The following ALX3 variants were observed in gnomAD, a reference collection of about 807,000 sequenced individuals.
ALX3 encodes the protein ALX homeobox 3, also known as homeobox protein aristaless-like 3.
ALX3 carries 17 observed loss-of-function variants against 26.3 expected under a neutral mutation model. That is an observed-to-expected ratio of 0.65 (90% CI 0.44 to 0.97). The LOEUF is 0.97. Among genes scored for constraint, ALX3 ranks in the 50% least tolerant of loss-of-function variants. The pLI is 0.00. For missense variants in ALX3, 461 were observed against 466.5 expected, an observed-to-expected ratio of 0.99 and a Z score of 0.11; for synonymous variants, 208 against 201.4, an observed-to-expected ratio of 1.03 and a Z score of -0.28.
intron 2 of ALX3, 94 bp downstream of exon 2, chr1:110,064,493 C>T (rs777451513): frequency 7.9e-5 from 115 of 1,460,722 alleles, no homozygotes; most frequent in Non-Finnish European, 1.1e-4. Flanking sequence ...CTCTGGGAGG[C>T]ACCAGTGCCC....
In ALX3 at chr1:110,070,439, C is replaced by T. The variant is rs1653891143; in HGVS notation, c.174G>A (p.Glu58=). The T allele has an allele frequency of 1.6e-6, 2 of 1,263,188 alleles. No homozygotes were observed. Among genetic ancestry groups the T allele is most frequent in the East Asian group, 2.9e-5 (1 of 33,946 alleles). The allele number at this position is 1,263,188 out of a possible 1,614,324, so 78.2% of individuals were successfully genotyped here. The change falls in exon 1 of 4, where the codon GAG becomes GAA. Residue 58 remains glutamate (E), a synonymous_variant. Transcript: ENST00000647563. ...LTRFPACGPL[E]PYLPEPAKPP... ...GCTTGGCCGGCTCTGGGAGGTAGGGCTCCAGGGGCCCGCAGGCCGGAAAGC... is the reference window on the plus strand; with the variant it reads ...GCTTGGCCGGCTCTGGGAGGTAGGGTTCCAGGGGCCCGCAGGCCGGAAAGC...
intron 1 of ALX3, among the ~76,000 whole-genome samples, chr1:110,069,055 C>G (rs910881650): frequency 7.9e-5 from 12 of 152,394 alleles, no homozygotes; most frequent in Admixed American, 1.3e-4. Flanking sequence ...GGGTACCTGT[C>G]TCTGGCGGTG....
chr1:110,061,217 C>T lies in ALX3; in HGVS notation c.724-176G>A, dbSNP rs993979421. On this transcript the variant is annotated intron_variant, in intron 3 of 3. Coordinates refer to ENST00000647563, the MANE Select transcript of ALX3 (RefSeq NM_006492.3). ...GCAGTGGCATCTCAGGAGGCCCCTGCCACTGTTCTCAAAACGAAATTTTCT... is the reference window on the plus strand; with the variant it reads ...GCAGTGGCATCTCAGGAGGCCCCTGTCACTGTTCTCAAAACGAAATTTTCT... 9 of 1,011,646 alleles carry T rather than the reference C, an allele frequency of 8.9e-6. No individual in the cohort carries two copies. In the African/African-American group the frequency reaches 1.5e-4, roughly 16 times the overall value. The allele number at this position is 1,011,646 out of a possible 1,614,324, so 62.7% of individuals were successfully genotyped here.
Position 110,061,548 on chromosome 1 carries a change from G to A in ALX3, c.610C>T (p.Arg204Cys), listed in dbSNP as rs1199055481. 22 of 1,614,082 alleles carry A rather than the reference G, an allele frequency of 1.4e-5. No homozygotes were observed. Among genetic ancestry groups the A allele is most frequent in the East Asian group, 6.7e-5 (3 of 44,890 alleles). Reference protein sequence around the residue: ...EARVQVWFQNRRAKWRKRERY... With the variant: ...EARVQVWFQNCRAKWRKRERY... ...TCGCGCTTCCGCCACTTGGCTCTGC[G>A]GTTCTGGAACCAGACCTGGGGGCAG... The change falls in exon 3 of 4, where the codon CGC (arginine) becomes TGC (cysteine). Residue 204 changes from arginine (R) to cysteine (C), a missense_variant. By Grantham distance (180) the Arg-to-Cys change is radical (BLOSUM62 -3). Transcript: ENST00000647563.
intron 3 of ALX3, 86 bp from the exon 4 acceptor site, chr1:110,061,127 GC>G: frequency 6.8e-7 from 1 of 1,476,070 alleles, no homozygotes; most frequent in Non-Finnish European, 9.2e-7. Context: ...TGTCCTTGGG[GC>G]CCCAGAAACT....
At chr1:110,061,376 C>A in intron 3 of ALX3, 59 bp downstream of exon 3, 1 of 1,613,662 alleles carries the variant, frequency 6.2e-7, no homozygotes, top group East Asian at 2.2e-5. Context: ...TCAGGCCAGA[C>A]CTCATATTCT....
chr1:110,068,372 C>T (rs2101799454), intron 1 of ALX3, among the ~76,000 whole-genome samples: 1 of 152,352 alleles, frequency 6.6e-6, no homozygotes, highest in Middle Eastern at 3.4e-3. Flanking sequence ...CCAGGCTCCA[C>T]CGCGCGCCGC....
At chr1:110,063,840 C>CTT (rs1653713148) in intron 2 of ALX3, among the ~76,000 whole-genome samples, 2 of 151,946 alleles carry the variant, frequency 1.3e-5, no homozygotes. Context: ...CCTTCATGTG[C>CTT]TTGACACTTC....
chr1:110,062,646 G>GTGTGTGTGTGTGTGTGTGTGTGTGTGTC, intron 2 of ALX3: 6 of 126,236 alleles, frequency 4.8e-5, no homozygotes, highest in African/African-American at 1.7e-4. Context: ...TGTGTGTGTG[G>GTGTGTGTGTGTGTGTGTGTGTGTGTGTC]AGTAATCCGT....
chr1:110,062,780 A>C (rs1229506444), intron 2 of ALX3, among the ~76,000 whole-genome samples: 2 of 152,150 alleles, frequency 1.3e-5, no homozygotes, highest in Non-Finnish European at 2.9e-5. Flanking sequence ...TGCCAAGATA[A>C]GAAAGCAGGC....
Position 110,064,657 on chromosome 1 carries a change from GTTTTCTGGAAGACC to G in ALX3, c.510_523del (p.Lys170AsnfsTer5). 1 of 1,614,216 alleles carries G rather than the reference GTTTTCTGGAAGACC, an allele frequency of 6.2e-7. No homozygotes were observed. The highest frequency in any genetic ancestry group is 1.1e-5 in the South Asian group (1 of 91,090). ...CCGGGCATACACATCAGGATAGTGG[GTTTTCTGGAAGACC>G]TTCTCCAGCTCCTCCAGCTGGAATG... On this transcript the variant is annotated frameshift_variant, in exon 2 of 4. Coordinates refer to ENST00000647563, the MANE Select transcript of ALX3 (RefSeq NM_006492.3). LOFTEE classifies it high-confidence loss of function.
Position 110,070,476 on chromosome 1 carries a change from G to C in ALX3, c.137C>G (p.Pro46Arg), listed in dbSNP as rs774644842. 6.4e-5 allele frequency: 81 copies of C among 1,258,796 alleles called. No individual in the cohort carries two copies. Among genetic ancestry groups the C allele is most frequent in the Admixed American group, 4.6e-4 (11 of 23,686 alleles). 78.0% of individuals were successfully genotyped at this position (1,258,796 alleles called of 1,614,324 possible). A position where few individuals can be genotyped will look rare whatever the true frequency, so the allele number is the denominator to read the frequency against. Residue 46 changes from proline to arginine, a missense_variant, in exon 1 of 4, where the codon CCG becomes CGG. By Grantham distance (103) the Pro-to-Arg change is moderately radical. Coordinates refer to ENST00000647563, the MANE Select transcript of ALX3 (RefSeq NM_006492.3). ...PHLHPAPPRG[P>R]RLTRFPACGP... ...GCAGGCCGGAAAGCGGGTCAGCCGCGGGCCGCGGGGCGGCGCGGGGTGCAG... is the reference window on the plus strand; with the variant it reads ...GCAGGCCGGAAAGCGGGTCAGCCGCCGGCCGCGGGGCGGCGCGGGGTGCAG...
chr1:110,060,734 C>G lies in ALX3; in HGVS notation c.1031G>C (p.Ter344SerextTer61). 1 of 1,454,772 alleles carries G rather than the reference C, an allele frequency of 6.9e-7. No individual in the cohort carries two copies. The highest frequency in any genetic ancestry group is 9.1e-7 in the Non-Finnish European group (1 of 1,096,066). 90.1% of individuals were successfully genotyped at this position (1,454,772 alleles called of 1,614,324 possible). A position where few individuals can be genotyped will look rare whatever the true frequency, so the allele number is the denominator to read the frequency against. ...EPPGLLNWTT* is the reference protein window; with the variant it reads ...EPPGLLNWTTS Reference sequence around the variant, plus strand: ...CATTCTGCAGGTCCATGCAACCGATCACGTGGTCCAGTTCAGAAGGCCGGG... The same window carrying G: ...CATTCTGCAGGTCCATGCAACCGATGACGTGGTCCAGTTCAGAAGGCCGGG... The change falls in exon 4 of 4, where the codon TGA (stop) becomes TCA (serine). Residue 344 changes from the stop codon to serine, a stop_lost. Coordinates refer to ENST00000647563, the MANE Select transcript of ALX3 (RefSeq NM_006492.3).
At chr1:110,063,135 C>T (rs1386679169) in intron 2 of ALX3, among the ~76,000 whole-genome samples, 1 of 152,180 alleles carries the variant, frequency 6.6e-6, no homozygotes, top group Non-Finnish European at 1.5e-5. Flanking sequence ...CTCATGGCTA[C>T]TCCTGCACCC....
chr1:110,064,499 T>C, intron 2 of ALX3, 88 bp downstream of exon 2: 1 of 1,499,340 alleles, frequency 6.7e-7, no homozygotes, highest in Non-Finnish European at 9.1e-7. Flanking sequence ...GAGGCACCAG[T>C]GCCCACCTCT....
chr1:110,063,033 G>C (rs1423758566), intron 2 of ALX3, among the ~76,000 whole-genome samples: 1 of 152,110 alleles, frequency 6.6e-6, no homozygotes, highest in Non-Finnish European at 1.5e-5. Context: ...ATAGGGCAGG[G>C]TGTATGGGTG....
At chr1:110,065,858 G>A (rs1329171761) in intron 1 of ALX3, among the ~76,000 whole-genome samples, 1 of 152,206 alleles carries the variant, frequency 6.6e-6, no homozygotes, top group African/African-American at 2.4e-5. Flanking sequence ...GACCGACAGA[G>A]CATGGTGAAA....
rs202179649 is a variant in ALX3 at position 110,064,674 on chromosome 1, C to T, written c.507G>A (p.Glu169=). 1.7e-5 allele frequency: 27 copies of T among 1,614,236 alleles called. No homozygotes were observed. The Admixed American group carries it at 3.7e-4, about 22-fold the overall frequency. ...TFSTFQLEEL[E]KVFQKTHYPD... ...GATAGTGGGTTTTCTGGAAGACCTT[C>T]TCCAGCTCCTCCAGCTGGAATGTGC... is the stretch of plus-strand genomic sequence containing the variant. Residue 169 remains glutamate, a synonymous_variant, in exon 2 of 4, where the codon GAG becomes GAA. Coordinates refer to ENST00000647563, the MANE Select transcript of ALX3 (RefSeq NM_006492.3).
At chr1:110,063,320 G>T (rs1308894289) in intron 2 of ALX3, among the ~76,000 whole-genome samples, 1 of 152,200 alleles carries the variant, frequency 6.6e-6, no homozygotes, top group Admixed American at 6.5e-5. Flanking sequence ...CGGGCCTCTT[G>T]CCCTGATGAC....
Sources: gnomAD v4.1 joint callset for allele counts (sites outside exome capture counted in the v4.1 genomes callset) on GRCh38, gnomAD v4.1.1 for gene constraint, MANE v1.5 for transcripts, NCBI Gene and HGNC (gene_info 2026-07-23, HGNC 2026-07-21) for gene names.